The following ODAD2 variants were observed in gnomAD, a reference collection of about 807,000 sequenced individuals.
The protein encoded by ODAD2 is outer dynein arm docking complex subunit 2, also known as outer dynein arm-docking complex subunit 2.
Under a neutral mutation model 106.8 loss-of-function variants are expected in ODAD2, and 89 were observed. The observed-to-expected ratio is 0.83, with a 90% CI of 0.70 to 0.99. The LOEUF is 0.99. ODAD2 is among the 50% of genes least tolerant of loss of function. The probability of loss-of-function intolerance (pLI) is 0.00; values close to 1 mark genes in which losing one functional copy is unlikely to be tolerated. For synonymous variants in ODAD2, 404 were observed against 436.2 expected (o/e 0.93, Z 0.92); for missense variants, 1,168 against 1,238.5 (o/e 0.94, Z 0.85).
intron 19 of ODAD2, among the ~76,000 whole-genome samples, chr10:27,849,826 A>G (rs908977466): frequency 1.2e-4 from 18 of 152,232 alleles, no homozygotes; most frequent in African/African-American, 4.3e-4. Flanking sequence ...GGCCAAGTGC[A>G]GTAATTTTCA....
intron 17 of ODAD2, among the ~76,000 whole-genome samples, chr10:27,885,820 A>AAT (rs1842165347): frequency 2.2e-5 from 2 of 92,252 alleles, no homozygotes; most frequent in South Asian, 2.7e-4. Context: ...TATTATATAT[A>AAT]ATATATAAAT....
intron 16 of ODAD2, among the ~76,000 whole-genome samples, chr10:27,920,274 A>G (rs1209776226): frequency 6.6e-6 from 1 of 152,070 alleles, no homozygotes; most frequent in Non-Finnish European, 1.5e-5. Context: ...ACTTTCCCTT[A>G]TGTATAGTTT....
At chr10:27,888,043 TAA>T (rs1842343208) in intron 17 of ODAD2, among the ~76,000 whole-genome samples, 1 of 151,994 alleles carries the variant, frequency 6.6e-6, no homozygotes, top group Non-Finnish European at 1.5e-5. Context: ...TAAACAATAA[TAA>T]AAAGCCTCCC....
At chr10:27,885,589 TATAA>T (rs1842063181) in intron 17 of ODAD2, among the ~76,000 whole-genome samples, 1 of 68,510 alleles carries the variant, frequency 1.5e-5, no homozygotes, top group Non-Finnish European at 2.6e-5. Flanking sequence ...AATATATAAA[TATAA>T]ATATATATAT....
intron 17 of ODAD2, among the ~76,000 whole-genome samples, chr10:27,881,324 AC>A (rs1841690514): frequency 6.6e-6 from 1 of 152,114 alleles, no homozygotes; most frequent in Non-Finnish European, 1.5e-5. Flanking sequence ...GTAACAACAA[AC>A]ATTGTACTGT....
chr10:27,850,479 C>T (rs1023744193), intron 19 of ODAD2, among the ~76,000 whole-genome samples: 16 of 146,474 alleles, frequency 1.1e-4, no homozygotes, highest in African/African-American at 3.5e-4. Flanking sequence ...ATCACTTGAA[C>T]GTGGGAGGCG....
intron 17 of ODAD2, among the ~76,000 whole-genome samples, chr10:27,885,698 A>ATATTT (rs1842109407): frequency 1.7e-5 from 1 of 59,072 alleles, no homozygotes; most frequent in Non-Finnish European, 3.0e-5. Flanking sequence ...AATATATAAT[A>ATATTT]TATATAAAAT....
At position 27,940,164 on chromosome 10, in the gene ODAD2, A is replaced by G. The variant is rs1846290708; in HGVS notation, c.1987-157T>C. Among the ~76,000 whole-genome samples the G allele has an allele frequency of 2.6e-5, 4 of 152,218 alleles. No homozygotes were observed. The South Asian group carries it at 8.3e-4, about 32-fold the overall frequency. On this transcript the variant is annotated intron_variant, in intron 13 of 19. Coordinates refer to ENST00000305242, the MANE Select transcript of ODAD2 (RefSeq NM_018076.5). Reference sequence around the variant, plus strand: ...CATCAATAAGAGAATCAACTGAATTAATATACACATATGTGTGTTTGTGTG... The same window carrying G: ...CATCAATAAGAGAATCAACTGAATTGATATACACATATGTGTGTTTGTGTG...
At chr10:27,836,195 C>G (rs1240829093) in intron 19 of ODAD2, 4 of 152,104 alleles carry the variant, frequency 2.6e-5, no homozygotes, top group Admixed American at 2.0e-4. Context: ...CAGTTGAATA[C>G]ATATGCATGT....
chr10:27,952,481 G>GC (rs1220354146), intron 10 of ODAD2, among the ~76,000 whole-genome samples: 2 of 151,856 alleles, frequency 1.3e-5, no homozygotes, highest in African/African-American at 4.8e-5. Flanking sequence ...GTGGTTTGCT[G>GC]CACCTATCAA....
intron 7 of ODAD2, among the ~76,000 whole-genome samples, chr10:27,973,690 T>C (rs1226918061): frequency 2.6e-5 from 4 of 152,204 alleles, no homozygotes; most frequent in Admixed American, 6.5e-5. Context: ...CTCCCACTGA[T>C]GGCCATTTAG....
In ODAD2 at chr10:27,862,536, T is replaced by C; in HGVS notation, c.2697A>G (p.Ala899=). The change falls in exon 18 of 20, where the codon GCA becomes GCG. Residue 899 remains alanine, a synonymous_variant. Coordinates refer to ENST00000305242, the MANE Select transcript of ODAD2 (RefSeq NM_018076.5). The part of the protein sequence containing the change: ...LLKSDNKEVL[A]SVCAAITNIA... ...TGTTGGTAATGGCAGCACATACACTTGCCAGAACTTCTTTGTTATCTGATT... is the reference window on the plus strand; with the variant it reads ...TGTTGGTAATGGCAGCACATACACTCGCCAGAACTTCTTTGTTATCTGATT... 1 of 1,611,950 alleles carries C rather than the reference T, an allele frequency of 6.2e-7. No homozygotes were observed. The highest frequency in any genetic ancestry group is 8.5e-7 in the Non-Finnish European group (1 of 1,179,056).
chr10:27,924,035 A>G (rs1204030721), intron 16 of ODAD2, among the ~76,000 whole-genome samples: 2 of 147,488 alleles, frequency 1.4e-5, no homozygotes, highest in African/African-American at 5.3e-5. Context: ...GGAAAGAGAA[A>G]GAAAGAAGGA....
intron 16 of ODAD2, among the ~76,000 whole-genome samples, chr10:27,908,527 T>C (rs1197671693): frequency 6.6e-6 from 1 of 152,184 alleles, no homozygotes; most frequent in African/African-American, 2.4e-5. Context: ...CAAAACTTAA[T>C]AACCTTTACA....
intron 8 of ODAD2, among the ~76,000 whole-genome samples, chr10:27,969,706 G>A (rs892167078): frequency 6.6e-6 from 1 of 152,172 alleles, no homozygotes; most frequent in Non-Finnish European, 1.5e-5. Context: ...CAGAATCCCT[G>A]CAGGAGAAGG....
At chr10:27,819,818 GA>G (rs1317257296) in intron 19 of ODAD2, among the ~76,000 whole-genome samples, 2 of 133,666 alleles carry the variant, frequency 1.5e-5, no homozygotes, top group South Asian at 2.5e-4. Context: ...CTAGATTTAA[GA>G]GACCTTATCT....
chr10:27,918,704 C>G (rs1361097404), intron 16 of ODAD2, among the ~76,000 whole-genome samples: 1 of 151,168 alleles, frequency 6.6e-6, no homozygotes, highest in East Asian at 1.9e-4. Flanking sequence ...AAAGCACACA[C>G]AAAAAAGAAA....
intron 17 of ODAD2, among the ~76,000 whole-genome samples, 171 bp downstream of exon 17, chr10:27,907,492 A>T (rs1288121973): frequency 1.4e-5 from 2 of 147,788 alleles, no homozygotes; most frequent in Non-Finnish European, 3.0e-5. Context: ...TTTAAAACTG[A>T]CCAGAAAAAA....
intron 9 of ODAD2, among the ~76,000 whole-genome samples, chr10:27,965,805 A>G (rs1054173805): frequency 2.0e-5 from 3 of 152,236 alleles, no homozygotes; most frequent in African/African-American, 7.2e-5. Context: ...TAGTGGAATC[A>G]TGATCATTGT....
Sources: gnomAD v4.1 joint callset for allele counts (sites outside exome capture counted in the v4.1 genomes callset) on GRCh38, gnomAD v4.1.1 for gene constraint, MANE v1.5 for transcripts, NCBI Gene and HGNC (gene_info 2026-07-23, HGNC 2026-07-21) for gene names.